CDC14B: variants seen among roughly 807,000 people sequenced by gnomAD.
The protein encoded by CDC14B is cell division cycle 14B.
In CDC14B, 22 loss-of-function variants were observed where a neutral mutation model predicts 64.2. The observed-to-expected ratio is 0.34, with a 90% confidence interval of 0.24 to 0.49. CDC14B has a LOEUF of 0.49. Among genes scored for constraint, CDC14B ranks in the 20% least tolerant of loss-of-function variants. CDC14B has a pLI of 0.99. For synonymous variants in CDC14B, 191 were observed against 215.8 expected (o/e 0.89, Z 1.01); for missense variants, 498 against 629.9 (o/e 0.79, Z 2.24).
intron 12 of CDC14B, among the ~76,000 whole-genome samples, chr9:96,512,140 C>G (rs966443631): frequency 6.6e-6 from 1 of 151,102 alleles, no homozygotes; most frequent in African/African-American, 2.4e-5. Context: ...ATCACTTGAG[C>G]CTGGGAGGTC....
intron 1 of CDC14B, among the ~76,000 whole-genome samples, chr9:96,577,760 C>T (rs1343692453): frequency 1.3e-5 from 2 of 152,208 alleles, no homozygotes; most frequent in African/African-American, 4.8e-5. Context: ...CATCTTCTGA[C>T]TTAGTAATTC....
At chr9:96,529,489 CCTTT>C (rs1838097823) in intron 9 of CDC14B, among the ~76,000 whole-genome samples, 2 of 145,156 alleles carry the variant, frequency 1.4e-5, no homozygotes, top group African/African-American at 5.3e-5. Flanking sequence ...TTGTACTAAG[CCTTT>C]TTTTTTTTTT....
chr9:96,614,200 T>C (rs1847488775), intron 1 of CDC14B, among the ~76,000 whole-genome samples: 1 of 152,164 alleles, frequency 6.6e-6, no homozygotes, highest in African/African-American at 2.4e-5. Context: ...AGCCAGTAGC[T>C]ATTACCAATA....
intron 1 of CDC14B, among the ~76,000 whole-genome samples, chr9:96,586,866 G>A (rs1845478065): frequency 6.6e-6 from 1 of 151,922 alleles, no homozygotes; most frequent in Non-Finnish European, 1.5e-5. Flanking sequence ...AAAAAAACAT[G>A]AACTGGATTT....
At chr9:96,606,794 G>C (rs965101934) in intron 1 of CDC14B, among the ~76,000 whole-genome samples, 5 of 151,976 alleles carry the variant, frequency 3.3e-5, no homozygotes, top group African/African-American at 1.2e-4. Context: ...TCGAACTCTC[G>C]ATCTCAGATG....
intron 1 of CDC14B, among the ~76,000 whole-genome samples, chr9:96,567,770 C>T (rs12338220): frequency 0.16 from 24,167 of 152,042 alleles, 6,393 homozygotes; most frequent in African/African-American, 0.55. Context: ...TGGGTGACTA[C>T]AGTCCACAAT....
At chr9:96,571,521 C>CA (rs1844476686) in intron 1 of CDC14B, among the ~76,000 whole-genome samples, 2 of 151,590 alleles carry the variant, frequency 1.3e-5, no homozygotes, top group Non-Finnish European at 1.5e-5. Context: ...TAAAGTGTGA[C>CA]AAAAAACAAG....
At chr9:96,581,505 A>ATTAATTAAATTAATTAATTTAAT (rs1564369958) in intron 1 of CDC14B, among the ~76,000 whole-genome samples, 5 of 136,412 alleles carry the variant, frequency 3.7e-5, no homozygotes, top group African/African-American at 1.9e-4. Context: ...TTAAATTTAA[A>ATTAATTAAATTAATTAATTTAAT]AAATTAATTT....
chr9:96,616,672 C>T (rs899038201), intron 1 of CDC14B, among the ~76,000 whole-genome samples: 1 of 150,626 alleles, frequency 6.6e-6, no homozygotes. Flanking sequence ...TGCAGTGAGC[C>T]GAGATTGAGC....
At chr9:96,543,579 C>T (rs1840391204) in intron 5 of CDC14B, among the ~76,000 whole-genome samples, 1 of 152,148 alleles carries the variant, frequency 6.6e-6, no homozygotes, top group Admixed American at 6.5e-5. Flanking sequence ...TCAATACATA[C>T]CAGTAAATCT....
At chr9:96,555,790 A>G (rs1842426890) in intron 4 of CDC14B, among the ~76,000 whole-genome samples, 1 of 152,188 alleles carries the variant, frequency 6.6e-6, no homozygotes, top group Non-Finnish European at 1.5e-5. Context: ...AAGTCATGGC[A>G]CAAAGTTCTT....
intron 4 of CDC14B, among the ~76,000 whole-genome samples, chr9:96,553,573 C>A (rs1289637779): frequency 6.6e-6 from 1 of 151,950 alleles, no homozygotes; most frequent in Middle Eastern, 3.4e-3. Flanking sequence ...GTTTGCCAGG[C>A]TGGTCTCAAA....
Position 96,619,473 on chromosome 9 carries a change from GCGGCGGGCGCAGAGCGGCGCTGCGGGGA to G in CDC14B, c.-123_-96del, listed in dbSNP as rs1361012683. 8 of 681,148 alleles carry G rather than the reference GCGGCGGGCGCAGAGCGGCGCTGCGGGGA, an allele frequency of 1.2e-5. No individual in the cohort carries two copies. Among genetic ancestry groups the G allele is most frequent in the Admixed American group, 6.5e-5 (1 of 15,334 alleles). The allele number at this position is 681,148 out of a possible 1,614,324, so 42.2% of individuals were successfully genotyped here. A position where few individuals can be genotyped will look rare whatever the true frequency, so the allele number is the denominator to read the frequency against. On this transcript the variant is annotated 5_prime_UTR_variant, in exon 1 of 14. Transcript: ENST00000375241. Reference sequence around the variant, plus strand: ...CGCCAGCCCCGCGCGGGCGCTCGGGGCGGCGGGCGCAGAGCGGCGCTGCGGGGACGGCGGGCGCCGGCAGAGCCCGGCG... The same window carrying G: ...CGCCAGCCCCGCGCGGGCGCTCGGGGCGGCGGGCGCCGGCAGAGCCCGGCG...
chr9:96,579,627 T>C (rs1845020550), intron 1 of CDC14B, among the ~76,000 whole-genome samples: 1 of 150,580 alleles, frequency 6.6e-6, no homozygotes, highest in Non-Finnish European at 1.5e-5. Flanking sequence ...TCTCTCCCAC[T>C]GAATGCACAC....
chr9:96,544,146 G>A (rs1564295036), intron 5 of CDC14B, among the ~76,000 whole-genome samples: 1 of 152,100 alleles, frequency 6.6e-6, no homozygotes, highest in Non-Finnish European at 1.5e-5. Flanking sequence ...GAACCTGGGA[G>A]GCAGAGGTTG....
chr9:96,573,417 T>C (rs779635825), intron 1 of CDC14B, among the ~76,000 whole-genome samples: 10 of 151,882 alleles, frequency 6.6e-5, no homozygotes, highest in Admixed American at 6.6e-5. Context: ...CAAAAACCAA[T>C]AGCTTTTCTA....
At chr9:96,530,326 T>G (rs1187099250) in intron 9 of CDC14B, among the ~76,000 whole-genome samples, 1 of 151,182 alleles carries the variant, frequency 6.6e-6, no homozygotes, top group African/African-American at 2.4e-5. Context: ...AGAGTCTTGC[T>G]CTGTCCCCCA....
chr9:96,618,473 T>C (rs776506273), intron 1 of CDC14B: 3 of 533,270 alleles, frequency 5.6e-6, no homozygotes, highest in Non-Finnish European at 1.2e-5. Flanking sequence ...ACAGAACAGC[T>C]ATCGAAGGGC....
At chr9:96,533,470 A>AT in intron 9 of CDC14B, among the ~76,000 whole-genome samples, 1 of 152,198 alleles carries the variant, frequency 6.6e-6, no homozygotes, top group Non-Finnish European at 1.5e-5. Flanking sequence ...TAACAAAACT[A>AT]TATTTCTTGT....
Sources: allele counts gnomAD v4.1 joint callset (sites outside exome capture counted in the v4.1 genomes callset), GRCh38; gene constraint gnomAD v4.1.1; transcripts MANE v1.5; gene names NCBI Gene and HGNC (gene_info 2026-07-23, HGNC 2026-07-21).